The following SPC25 variants were observed in gnomAD, a reference collection of about 807,000 sequenced individuals.
The protein encoded by SPC25 is SPC25 component of NDC80 kinetochore complex.
In SPC25, 22 loss-of-function variants were observed where a neutral mutation model predicts 29.6. The observed-to-expected ratio is 0.74, with a 90% CI of 0.53 to 1.06. SPC25 has a LOEUF of 1.06. Ranked by LOEUF, SPC25 falls within the 50% of genes least tolerant of loss-of-function variation. SPC25 has a pLI of 0.00. For synonymous variants in SPC25, 91 were observed against 90.4 expected (o/e 1.01, Z -0.04); for missense variants, 230 against 255.8 (o/e 0.90, Z 0.69).
chr2:168,886,918 A>G (rs1365978129), intron 3 of SPC25, among the ~76,000 whole-genome samples: 1 of 152,256 alleles, frequency 6.6e-6, no homozygotes, highest in Non-Finnish European at 1.5e-5. Flanking sequence ...TTAAGAGCAC[A>G]GTTTGAGACT....
In SPC25 at chr2:168,871,406, C is replaced by T. The variant is rs186784584; in HGVS notation, c.*25G>A. 2.3e-4 allele frequency: 353 copies of T among 1,554,110 alleles called. 1 individual carries two copies. The African/African-American group carries it at 4.4e-3, about 19-fold the overall frequency. ...TATGTAATAGAGAAGAAAAATAAAC[C>T]GTTTTTATATACACTATTTGTATGT... On this transcript the variant is annotated 3_prime_UTR_variant, in exon 7 of 7. Transcript: ENST00000282074.
At chr2:168,889,034 CAT>C (rs796112468) in intron 3 of SPC25, among the ~76,000 whole-genome samples, 190 bp downstream of exon 3, 389 of 21,642 alleles carry the variant, frequency 0.018, 16 homozygotes, top group East Asian at 0.12. Context: ...CATATATATA[CAT>C]ATATATATAC....
chr2:168,886,443 T>C (rs1412789115), intron 3 of SPC25, among the ~76,000 whole-genome samples: 1 of 152,154 alleles, frequency 6.6e-6, no homozygotes, highest in African/African-American at 2.4e-5. Context: ...GTCTCCTTAG[T>C]GGTGGGCAAT....
At chr2:168,888,970 T>TAC (rs763325235) in intron 3 of SPC25, among the ~76,000 whole-genome samples, 21,638 of 91,982 alleles carry the variant, frequency 0.24, 3,635 homozygotes, top group Non-Finnish European at 0.29. Flanking sequence ...TATATATATA[T>TAC]ATACACACAC....
intron 3 of SPC25, among the ~76,000 whole-genome samples, chr2:168,878,552 CAAGAT>C (rs1690126091): frequency 6.6e-6 from 1 of 152,090 alleles, no homozygotes; most frequent in African/African-American, 2.4e-5. Flanking sequence ...CTGGCCAAGA[CAAGAT>C]ATTTAGCTGG....
chr2:168,866,658 A>G (rs1336336894), downstream of SPC25, among the ~76,000 whole-genome samples: 1 of 152,254 alleles, frequency 6.6e-6, no homozygotes, highest in Non-Finnish European at 1.5e-5. Flanking sequence ...GCTTCTGCAC[A>G]GCAAAAGAAA....
intron 3 of SPC25, among the ~76,000 whole-genome samples, chr2:168,880,318 T>C (rs1308866100): frequency 6.6e-6 from 1 of 152,254 alleles, no homozygotes; most frequent in African/African-American, 2.4e-5. Context: ...ACATTAGCAC[T>C]TCTGCTTCAT....
At position 168,889,536 on chromosome 2, in the gene SPC25, A is replaced by G; in HGVS notation, c.-14-3T>C. 1 of 1,609,552 alleles carries G rather than the reference A, an allele frequency of 6.2e-7. No individual in the cohort carries two copies. The highest frequency in any genetic ancestry group is 1.1e-5 in the South Asian group (1 of 90,470). On this transcript the variant is annotated splice_region_variant and splice_polypyrimidine_tract_variant and intron_variant, in intron 1 of 6. Transcript: ENST00000282074. ...CTCTACCATTATGTAGGACAATGCT[A>G]AAAACAGAATACATATTGCATTTTT...
At chr2:168,867,593 C>T (rs1419304853), downstream of SPC25, among the ~76,000 whole-genome samples, 4 of 152,264 alleles carry the variant, frequency 2.6e-5, no homozygotes, top group South Asian at 2.1e-4. Context: ...ATCCTAGTCT[C>T]GAATAAAACA....
At chr2:168,867,107 C>A (rs563643718), downstream of SPC25, among the ~76,000 whole-genome samples, 2 of 152,234 alleles carry the variant, frequency 1.3e-5, no homozygotes, top group East Asian at 3.9e-4. Flanking sequence ...CCATTTGACC[C>A]AGCCATCCCA....
At chr2:168,870,509 A>C (rs1327215535), downstream of SPC25, among the ~76,000 whole-genome samples, 3 of 151,958 alleles carry the variant, frequency 2.0e-5, no homozygotes, top group Admixed American at 1.3e-4. Flanking sequence ...ACAAATTTAC[A>C]AGAAAAAAAC....
Position 168,876,099 on chromosome 2 carries a change from G to C in SPC25, c.424C>G (p.Leu142Val). 6.4e-7 allele frequency: 1 copy of C among 1,555,492 alleles called. No individual in the cohort carries two copies. Among genetic ancestry groups the C allele is most frequent in the Non-Finnish European group, 8.6e-7 (1 of 1,158,520 alleles). ...QKSADLYKDR[L>V]GLEIRKIYGE... ...TAAATTTTTCGAATTTCTAGTCCAA[G>C]TCGATCTTTATACAAGTCTGCAGAT... The change falls in exon 5 of 7, where the codon CTT becomes GTT. Residue 142 changes from leucine (L) to valine (V), a missense_variant. Coordinates refer to ENST00000282074, the MANE Select transcript of SPC25 (RefSeq NM_020675.4).
chr2:168,872,843 G>A (rs1690018681), intron 6 of SPC25, among the ~76,000 whole-genome samples: 1 of 152,090 alleles, frequency 6.6e-6, no homozygotes, highest in Non-Finnish European at 1.5e-5. Flanking sequence ...AATAGGAACT[G>A]AGTCACCAGG....
intron 4 of SPC25, chr2:168,863,678 G>T: frequency 1.0e-6 from 1 of 968,274 alleles, no homozygotes; most frequent in Non-Finnish European, 1.2e-6. Flanking sequence ...CTGTGAGTGA[G>T]TTAAACTTTT....
chr2:168,876,242 AT>A, intron 4 of SPC25, 66 bp from the exon 5 acceptor site: 1 of 1,142,152 alleles, frequency 8.8e-7, no homozygotes, highest in Non-Finnish European at 1.2e-6. Flanking sequence ...CACTGAGTTA[AT>A]TTTTTAAACT....
intron 4 of SPC25, chr2:168,864,768 T>G: frequency 1.3e-6 from 2 of 1,577,694 alleles, no homozygotes; most frequent in Non-Finnish European, 1.7e-6. Context: ...CTTAAAACTC[T>G]TATCAATCGG....
At position 168,888,951 on chromosome 2, in the gene SPC25, G is replaced by A. The variant is rs1178770897; in HGVS notation, c.199+275C>T. Among the ~76,000 whole-genome samples the A allele has an allele frequency of 5.0e-4, 32 of 63,578 alleles. No homozygotes were observed. The East Asian group carries it at 7.0e-3, about 14-fold the overall frequency. The allele number at this position is 63,578 out of a possible 152,430, so 41.7% of individuals were successfully genotyped here. A position where few individuals can be genotyped will look rare whatever the true frequency, so the allele number is the denominator to read the frequency against. On this transcript the variant is annotated intron_variant, in intron 3 of 6. Coordinates refer to ENST00000282074, the MANE Select transcript of SPC25 (RefSeq NM_020675.4). ...TGTGTGTGTGTGTGTGTGTGTGTGT[G>A]TGTGTGTATATATATATATATACAC...
downstream of SPC25, among the ~76,000 whole-genome samples, chr2:168,868,901 A>G (rs199815842): frequency 2.8e-4 from 42 of 152,180 alleles, no homozygotes; most frequent in African/African-American, 9.2e-4. Flanking sequence ...GAGACACAAC[A>G]AAAAAAGAGA....
chr2:168,882,642 A>G (rs546616737), intron 3 of SPC25, among the ~76,000 whole-genome samples: 80 of 152,186 alleles, frequency 5.3e-4, no homozygotes, highest in African/African-American at 1.7e-3. Context: ...GACAGACTGC[A>G]TTCAAACTCA....
Sources: allele counts gnomAD v4.1 joint callset (sites outside exome capture counted in the v4.1 genomes callset), GRCh38; gene constraint gnomAD v4.1.1; transcripts MANE v1.5; gene names NCBI Gene and HGNC (gene_info 2026-07-23, HGNC 2026-07-21).